The following IMMP2L variants were observed in gnomAD, a reference collection of about 807,000 sequenced individuals.
IMMP2L encodes mitochondrial inner membrane protease subunit 2.
In IMMP2L, 18 loss-of-function variants were observed where a neutral mutation model predicts 19.3. The ratio of observed to expected loss-of-function variants is 0.93; its 90% confidence interval spans 0.64 to 1.38. IMMP2L has a LOEUF of 1.38. Ranked by LOEUF, IMMP2L falls within the 40% of genes most tolerant of loss-of-function variation. The pLI is 0.00. For missense variants in IMMP2L, 233 were observed against 218.2 expected (o/e 1.07, Z -0.43); for synonymous variants, 76 against 73.0 (o/e 1.04, Z -0.21).
At chr7:111,059,928 A>C (rs1247272345) in intron 3 of IMMP2L, among the ~76,000 whole-genome samples, 2 of 145,638 alleles carry the variant, frequency 1.4e-5, no homozygotes, top group East Asian at 2.0e-4. Context: ...ATTGTGAAAA[A>C]AAAAAAAGAA....
At chr7:110,680,744 C>T (rs992238174) in intron 5 of IMMP2L, among the ~76,000 whole-genome samples, 3 of 152,146 alleles carry the variant, frequency 2.0e-5, no homozygotes, top group African/African-American at 7.2e-5. Flanking sequence ...TATTCCTTTT[C>T]TCCACTCCCA....
chr7:111,486,617 C>T (rs1842676040), intron 3 of IMMP2L, among the ~76,000 whole-genome samples: 2 of 152,134 alleles, frequency 1.3e-5, no homozygotes. Flanking sequence ...ATCTCCAAAC[C>T]ATTTAGGCCT....
intron 3 of IMMP2L, among the ~76,000 whole-genome samples, chr7:111,363,933 T>G (rs1030512288): frequency 1.3e-5 from 2 of 152,056 alleles, no homozygotes; most frequent in African/African-American, 4.8e-5. Context: ...ATTGCCTAGC[T>G]GATTATCACC....
At chr7:111,050,202 A>G (rs887803059) in intron 3 of IMMP2L, among the ~76,000 whole-genome samples, 1 of 152,228 alleles carries the variant, frequency 6.6e-6, no homozygotes, top group Non-Finnish European at 1.5e-5. Context: ...TTCTAATGCA[A>G]TCAAGTGGTT....
chr7:110,962,879 A>G (rs1819114983), intron 4 of IMMP2L: 1 of 1,322,846 alleles, frequency 7.6e-7, no homozygotes, highest in African/African-American at 1.5e-5. Flanking sequence ...ACTTGTTTAA[A>G]GAAAGCGATC....
At chr7:111,413,601 C>T (rs564256420) in intron 3 of IMMP2L, among the ~76,000 whole-genome samples, 13 of 152,028 alleles carry the variant, frequency 8.6e-5, no homozygotes, top group African/African-American at 3.1e-4. Flanking sequence ...AAAAACAAAA[C>T]TATATGACAA....
At chr7:111,362,423 T>C (rs1054272124) in intron 3 of IMMP2L, among the ~76,000 whole-genome samples, 1 of 152,086 alleles carries the variant, frequency 6.6e-6, no homozygotes, top group Non-Finnish European at 1.5e-5. Context: ...AAATAGTTTA[T>C]AGGCCTCTGA....
chr7:111,030,753 T>A (rs1415264962), intron 3 of IMMP2L, among the ~76,000 whole-genome samples: 1 of 151,880 alleles, frequency 6.6e-6, no homozygotes, highest in Non-Finnish European at 1.5e-5. Context: ...CAAAAATGCA[T>A]ACAGTAGGAA....
intron 3 of IMMP2L, among the ~76,000 whole-genome samples, chr7:111,284,776 A>G (rs1002398679): frequency 6.6e-6 from 1 of 152,236 alleles, no homozygotes; most frequent in Non-Finnish European, 1.5e-5. Context: ...TCTGTGAGCA[A>G]TGAAAGTTCA....
chr7:111,242,342 T>A (rs1336032520), intron 3 of IMMP2L, among the ~76,000 whole-genome samples: 1 of 152,112 alleles, frequency 6.6e-6, no homozygotes, highest in Non-Finnish European at 1.5e-5. Context: ...AAAGCACTCC[T>A]AACTGAAGTC....
intron 3 of IMMP2L, among the ~76,000 whole-genome samples, chr7:111,198,638 T>TG (rs1371332459): frequency 6.6e-6 from 1 of 152,192 alleles, no homozygotes; most frequent in Non-Finnish European, 1.5e-5. Context: ...CTTCTACAAA[T>TG]GATGCCTTTT....
rs1798155464 is a variant in IMMP2L, at chr7:110,758,381, TA to T, written c.409-94661del. 1.3e-5 allele frequency among the ~76,000 whole-genome samples: 2 copies of T among 151,990 alleles called. No homozygotes were observed. Among genetic ancestry groups the T allele is most frequent in the African/African-American group, 4.8e-5 (2 of 41,406 alleles). On this transcript the variant is annotated intron_variant, in intron 5 of 5. Coordinates refer to ENST00000405709, the MANE Select transcript of IMMP2L (RefSeq NM_032549.4). This position sits in a 1 kb window ranked among gnomAD's most constrained non-coding sequence, Gnocchi z 4.6. ...GGCAGAAGCAGAGAGACAGAGATTTTAAAAAATATATAGGATAACAAACAGC... is the reference window on the plus strand; with the variant it reads ...GGCAGAAGCAGAGAGACAGAGATTTTAAAAATATATAGGATAACAAACAGC...
chr7:110,886,814 G>A, intron 4 of IMMP2L, 119 bp from the exon 5 acceptor site: 1 of 496,684 alleles, frequency 2.0e-6, no homozygotes. Flanking sequence ...TAACCATGAA[G>A]CTTCTCCATA....
chr7:110,930,030 T>G (rs1040984785), intron 4 of IMMP2L, among the ~76,000 whole-genome samples: 8 of 152,162 alleles, frequency 5.3e-5, no homozygotes, highest in African/African-American at 1.9e-4. Flanking sequence ...GGAGAAGTAA[T>G]CAGTTCTGAG....
chr7:111,092,558 A>G (rs968605286), intron 3 of IMMP2L, among the ~76,000 whole-genome samples: 3 of 152,198 alleles, frequency 2.0e-5, no homozygotes, highest in Non-Finnish European at 4.4e-5. Context: ...CCTAGAAAAT[A>G]GTGTGCTCTG....
chr7:111,500,394 A>G (rs1294558084), intron 2 of IMMP2L, among the ~76,000 whole-genome samples: 1 of 152,120 alleles, frequency 6.6e-6, no homozygotes, highest in East Asian at 1.9e-4. Context: ...GCACAGACAA[A>G]CAAAAAGACA....
intron 3 of IMMP2L, among the ~76,000 whole-genome samples, chr7:111,172,539 A>C (rs1806565133): frequency 6.6e-6 from 1 of 151,546 alleles, no homozygotes; most frequent in African/African-American, 2.4e-5. Flanking sequence ...AATATATAAT[A>C]CATTGCTGCT....
chr7:111,347,519 G>T (rs1827692136), intron 3 of IMMP2L, among the ~76,000 whole-genome samples: 1 of 152,012 alleles, frequency 6.6e-6, no homozygotes, highest in African/African-American at 2.4e-5. Context: ...AGCCAGGGCA[G>T]AAGAGAGAAT....
At chr7:111,300,877 C>T (rs1247604699) in intron 3 of IMMP2L, among the ~76,000 whole-genome samples, 1 of 152,074 alleles carries the variant, frequency 6.6e-6, no homozygotes, top group African/African-American at 2.4e-5. Flanking sequence ...AGTTTGGGCC[C>T]ACCAATAAAG....
Sources: gnomAD v4.1 joint callset for allele counts (sites outside exome capture counted in the v4.1 genomes callset) on GRCh38, gnomAD v4.1.1 for gene constraint, Gnocchi (gnomAD v3.1) non-coding constraint, MANE v1.5 for transcripts, NCBI Gene and HGNC (gene_info 2026-07-23, HGNC 2026-07-21) for gene names.